Variants in LRP1B observed in about 807,000 individuals in gnomAD.
LRP1B encodes the protein LDL receptor related protein 1B.
In LRP1B, 217 loss-of-function variants were observed where a neutral mutation model predicts 556.6. The observed-to-expected ratio is 0.39, with a 90% CI of 0.35 to 0.44. The LOEUF (loss-of-function observed/expected upper bound fraction) is 0.44, where lower values mean the gene tolerates loss of function less well. Ranked by LOEUF, LRP1B falls within the 20% of genes least tolerant of loss-of-function variation. The probability of loss-of-function intolerance (pLI) is 1.00; values close to 1 mark genes in which losing one functional copy is unlikely to be tolerated. For missense variants in LRP1B, 5,053 were observed against 5,620.8 expected, an observed-to-expected ratio of 0.90 and a Z score of 3.23; for synonymous variants, 2,047 against 1,865.8, an observed-to-expected ratio of 1.10 and a Z score of -2.50.
chr2:141,160,469 G>A (rs566945947), intron 7 of LRP1B, among the ~76,000 whole-genome samples: 1 of 152,042 alleles, frequency 6.6e-6, no homozygotes, highest in South Asian at 2.1e-4. Context: ...TTTCATAGCA[G>A]GTTTGTAACA....
At chr2:140,603,941 G>A (rs1682768996) in intron 41 of LRP1B, among the ~76,000 whole-genome samples, 1 of 152,008 alleles carries the variant, frequency 6.6e-6, no homozygotes, top group Non-Finnish European at 1.5e-5. Flanking sequence ...CAGTGAGAGG[G>A]CATGTGGCAT....
chr2:140,964,270 G>A (rs1301463783), intron 18 of LRP1B, among the ~76,000 whole-genome samples: 1 of 152,144 alleles, frequency 6.6e-6, no homozygotes, highest in Non-Finnish European at 1.5e-5. Context: ...GAACATGAAG[G>A]TGGACTAGGA....
intron 1 of LRP1B, among the ~76,000 whole-genome samples, chr2:141,897,226 G>A (rs561789513): frequency 1.3e-5 from 2 of 152,096 alleles, no homozygotes; most frequent in East Asian, 1.9e-4. Flanking sequence ...AGGTCATTCA[G>A]GGAAAAGATA....
chr2:141,487,629 C>T (rs1484321020), intron 2 of LRP1B, among the ~76,000 whole-genome samples: 1 of 152,104 alleles, frequency 6.6e-6, no homozygotes, highest in Non-Finnish European at 1.5e-5. Flanking sequence ...TACACTACTT[C>T]ATTCACTGTC....
chr2:141,716,642 G>GT (rs1192679015), intron 2 of LRP1B, among the ~76,000 whole-genome samples: 2 of 152,144 alleles, frequency 1.3e-5, no homozygotes, highest in Non-Finnish European at 2.9e-5. Flanking sequence ...CTCTGCATAT[G>GT]TTTTTGTCAC....
intron 2 of LRP1B, 90 bp from the exon 3 acceptor site, chr2:141,480,623 C>G: frequency 8.0e-7 from 1 of 1,245,194 alleles, no homozygotes; most frequent in Non-Finnish European, 1.2e-6. Context: ...CATTGTTTTA[C>G]AAAACAAAAC....
intron 16 of LRP1B, among the ~76,000 whole-genome samples, chr2:140,993,167 A>T (rs1410842082): frequency 6.6e-6 from 1 of 152,014 alleles, no homozygotes; most frequent in Non-Finnish European, 1.5e-5. Flanking sequence ...ATTAGTTCAG[A>T]CCTAAAAAAG....
At chr2:140,303,412 TA>T (rs1683928032) in intron 83 of LRP1B, among the ~76,000 whole-genome samples, 1 of 151,818 alleles carries the variant, frequency 6.6e-6, no homozygotes, top group African/African-American at 2.4e-5. Context: ...GATGCCTGGC[TA>T]TTTTTTTGTA....
chr2:140,902,837 T>C (rs1559184423), intron 23 of LRP1B, 83 bp downstream of exon 23: 1 of 1,431,158 alleles, frequency 7.0e-7, no homozygotes, highest in Non-Finnish European at 9.6e-7. Flanking sequence ...AATCCTTTCA[T>C]TAATTTTCTG....
At chr2:140,842,483 A>G (rs1692140368) in intron 29 of LRP1B, among the ~76,000 whole-genome samples, 1 of 152,084 alleles carries the variant, frequency 6.6e-6, no homozygotes, top group South Asian at 2.1e-4. Flanking sequence ...GAACCCTCTC[A>G]CTCTGCAAAT....
intron 1 of LRP1B, among the ~76,000 whole-genome samples, chr2:141,972,847 A>T (rs1701782842): frequency 1.3e-5 from 2 of 151,752 alleles, no homozygotes; most frequent in South Asian, 4.1e-4. Context: ...TCTGATAGAA[A>T]TAATGCTTTT....
intron 66 of LRP1B, among the ~76,000 whole-genome samples, chr2:140,393,610 G>A (rs1272404291): frequency 6.6e-6 from 1 of 151,952 alleles, no homozygotes; most frequent in Non-Finnish European, 1.5e-5. Context: ...CAGGAAACAT[G>A]ATAATTACAA....
chr2:140,599,347 C>T (rs375984287), intron 42 of LRP1B, among the ~76,000 whole-genome samples: 39 of 152,150 alleles, frequency 2.6e-4, no homozygotes, highest in East Asian at 2.3e-3. Context: ...AATTACTAAA[C>T]TCCTGTTTTT....
chr2:140,888,207 A>G (rs1693697618), intron 23 of LRP1B, among the ~76,000 whole-genome samples: 1 of 152,120 alleles, frequency 6.6e-6, no homozygotes, highest in South Asian at 2.1e-4. Context: ...AAAATTTTCT[A>G]TCTACATAAA....
At chr2:140,300,051 C>A (rs1218523374) in intron 83 of LRP1B, among the ~76,000 whole-genome samples, 3 of 152,098 alleles carry the variant, frequency 2.0e-5, no homozygotes, top group Non-Finnish European at 4.4e-5. Flanking sequence ...CTATCCCCAT[C>A]ACTCAAAGAA....
At chr2:140,896,588 G>A (rs1262576387) in intron 23 of LRP1B, among the ~76,000 whole-genome samples, 1 of 152,256 alleles carries the variant, frequency 6.6e-6, no homozygotes, top group East Asian at 1.9e-4. Flanking sequence ...CTCAGCCAAT[G>A]CTCCTGCCTC....
At chr2:141,773,324 G>T (rs1219116613) in intron 2 of LRP1B, among the ~76,000 whole-genome samples, 1 of 151,946 alleles carries the variant, frequency 6.6e-6, no homozygotes, top group African/African-American at 2.4e-5. Flanking sequence ...AAAATTCTGG[G>T]GAATACATCA....
At chr2:141,966,169 C>G (rs1282409084) in intron 1 of LRP1B, among the ~76,000 whole-genome samples, 5 of 151,840 alleles carry the variant, frequency 3.3e-5, no homozygotes, top group African/African-American at 1.2e-4. Context: ...ACTATTTGAG[C>G]ACCTATGGCA....
In LRP1B at chr2:141,978,790, T is replaced by C. The variant is rs540328592; in HGVS notation, c.82+151858A>G. Among the ~76,000 whole-genome samples the C allele has an allele frequency of 2.0e-5, 3 of 152,194 alleles. No individual in the cohort carries two copies. The South Asian group carries it at 6.2e-4, about 32-fold the overall frequency. The stretch of plus-strand genomic sequence containing the variant: ...GCTTATTTGATCCAGAACTGTCCAT[T>C]ACTATAGGTTTGTTTTTACATTTGT... On this transcript the variant is annotated intron_variant, in intron 1 of 90. Transcript: ENST00000389484.
Sources: gnomAD v4.1 joint callset for allele counts (sites outside exome capture counted in the v4.1 genomes callset) on GRCh38, gnomAD v4.1.1 for gene constraint, MANE v1.5 for transcripts, NCBI Gene and HGNC (gene_info 2026-07-23, HGNC 2026-07-21) for gene names.